Variants in TCF4 observed in about 807,000 individuals in gnomAD.
TCF4 encodes the protein transcription factor 4.
TCF4 carries 3 observed loss-of-function variants against 82.1 expected under a neutral mutation model. The ratio of observed to expected loss-of-function variants is 0.04; its 90% CI spans 0.02 to 0.09. TCF4 has a LOEUF of 0.09. TCF4 is among the 10% of genes least tolerant of loss of function. TCF4 has a pLI of 1.00. For synonymous variants in TCF4, 276 were observed against 309.6 expected (o/e 0.89, Z 1.14); for missense variants, 518 against 852.7 (o/e 0.61, Z 4.89).
At chr18:55,251,716 T>C (rs1465785491) in intron 15 of TCF4, among the ~76,000 whole-genome samples, 1 of 152,140 alleles carries the variant, frequency 6.6e-6, no homozygotes, top group Non-Finnish European at 1.5e-5. Context: ...GCAACTCGCT[T>C]CCGCCCAGAA....
At position 55,588,171 on chromosome 18, in the gene TCF4, G is replaced by A; in HGVS notation, c.-154C>T. 1.8e-6 allele frequency: 2 copies of A among 1,119,930 alleles called. No individual in the cohort carries two copies. Among genetic ancestry groups the A allele is most frequent in the African/African-American group, 1.7e-5 (1 of 60,506 alleles). The allele number at this position is 1,119,930 out of a possible 1,614,324, so 69.4% of individuals were successfully genotyped here. On this transcript the variant is annotated 5_prime_UTR_variant, in exon 1 of 20. Transcript: ENST00000354452. ...CTGCTGCCTCCCCGCCGCCGCCGCC[G>A]CCGCCGCCACTACAGATCCGCAGAC...
chr18:55,550,040 C>T (rs1372594971), intron 3 of TCF4, among the ~76,000 whole-genome samples: 1 of 152,116 alleles, frequency 6.6e-6, no homozygotes, highest in Non-Finnish European at 1.5e-5. Flanking sequence ...ATTGAAGGAC[C>T]ATTAATGTAG....
intron 6 of TCF4, among the ~76,000 whole-genome samples, chr18:55,378,855 T>C (rs1447804987): frequency 6.6e-6 from 1 of 152,242 alleles, no homozygotes; most frequent in Non-Finnish European, 1.5e-5. Flanking sequence ...AAGAACAGGT[T>C]AATGCAAAGA....
chr18:55,394,923 A>G lies in TCF4; in HGVS notation c.369+8531T>C, dbSNP rs893210181. Among the ~76,000 whole-genome samples the G allele has an allele frequency of 4.6e-5, 7 of 152,174 alleles. No individual in the cohort carries two copies. In the East Asian group the frequency reaches 1.3e-3, roughly 29 times the overall value. Reference sequence around the variant, plus strand: ...TTATCACTATCAGGCACGGCAGCAGACTCAACGATATATGCTTCTTTTCTA... The same window carrying G: ...TTATCACTATCAGGCACGGCAGCAGGCTCAACGATATATGCTTCTTTTCTA... On this transcript the variant is annotated intron_variant, in intron 6 of 19. Transcript: ENST00000354452.
chr18:55,264,105 G>A (rs531836799), intron 11 of TCF4, among the ~76,000 whole-genome samples: 28 of 152,180 alleles, frequency 1.8e-4, no homozygotes, highest in African/African-American at 6.3e-4. Context: ...TCACACGTTA[G>A]AAGAGGCAAG....
rs141449562 is a variant in TCF4, at chr18:55,388,206, T to C, written c.369+15248A>G. Among the ~76,000 whole-genome samples, 260 of 152,356 alleles carry C rather than the reference T, an allele frequency of 1.7e-3. 2 individuals carry two copies. The highest frequency in any genetic ancestry group is 6.0e-3 in the African/African-American group (250 of 41,588). Reference sequence around the variant, plus strand: ...GGAAAAGCTTGATCTACTCAATGCATCCACTTCTTCCCAGTTCTCCCCATC... The same window carrying C: ...GGAAAAGCTTGATCTACTCAATGCACCCACTTCTTCCCAGTTCTCCCCATC... On this transcript the variant is annotated intron_variant, in intron 6 of 19. Transcript: ENST00000354452.
At chr18:55,548,448 CCT>C (rs534920619) in intron 3 of TCF4, among the ~76,000 whole-genome samples, 38 of 152,142 alleles carry the variant, frequency 2.5e-4, no homozygotes, top group Non-Finnish European at 2.5e-4. Flanking sequence ...TACACTGTCC[CCT>C]GATTTTGATT....
chr18:55,275,385 C>T (rs2061320087), intron 10 of TCF4, among the ~76,000 whole-genome samples: 1 of 150,684 alleles, frequency 6.6e-6, no homozygotes, highest in African/African-American at 2.4e-5. Flanking sequence ...AAAGAAGGCA[C>T]AGAGCAAAAC....
chr18:55,234,675 G>T lies in TCF4; in HGVS notation c.1359C>A (p.Thr453=). ...SANRHSLMVG[T]HREDGVALRG... ...TCAGGGCCACGCCATCTTCACGATGGGTCCCCACCTGAAAGGGCGAGAGGA... is the reference window on the plus strand; with the variant it reads ...TCAGGGCCACGCCATCTTCACGATGTGTCCCCACCTGAAAGGGCGAGAGGA... Residue 453 remains threonine (T), a synonymous_variant, in exon 16 of 20, where the codon ACC becomes ACA. Coordinates refer to ENST00000354452, the MANE Select transcript of TCF4 (RefSeq NM_001083962.2). 1 of 1,614,128 alleles carries T rather than the reference G, an allele frequency of 6.2e-7. No homozygotes were observed. The highest frequency in any genetic ancestry group is 1.3e-5 in the African/African-American group (1 of 75,016).
chr18:55,269,193 C>G (rs1020485589), intron 11 of TCF4: 14 of 154,840 alleles, frequency 9.0e-5, no homozygotes, highest in African/African-American at 2.9e-4. Context: ...GACCTTAACT[C>G]ATTAGTAAAT....
At chr18:55,562,346 C>A (rs2097362471) in intron 3 of TCF4, among the ~76,000 whole-genome samples, 1 of 152,098 alleles carries the variant, frequency 6.6e-6, no homozygotes, top group South Asian at 2.1e-4. Flanking sequence ...ACCTATATAG[C>A]TAAGAGGTAA....
At chr18:55,528,675 G>A (rs990771422) in intron 3 of TCF4, among the ~76,000 whole-genome samples, 1 of 152,192 alleles carries the variant, frequency 6.6e-6, no homozygotes, top group African/African-American at 2.4e-5. Flanking sequence ...TATAGCACTA[G>A]TGTCATTAAA....
chr18:55,374,694 G>C (rs527639441), intron 6 of TCF4, among the ~76,000 whole-genome samples: 1 of 151,752 alleles, frequency 6.6e-6, no homozygotes. Flanking sequence ...AAGTCCAGGA[G>C]TTCAAGACCA....
intron 5 of TCF4, among the ~76,000 whole-genome samples, chr18:55,409,685 T>C (rs972286356): frequency 6.6e-6 from 1 of 152,220 alleles, no homozygotes; most frequent in African/African-American, 2.4e-5. Flanking sequence ...AGATAAATGA[T>C]GTAGGTTCAA....
intron 2 of TCF4, among the ~76,000 whole-genome samples, chr18:55,613,299 C>T (rs1218378531): frequency 2.6e-5 from 4 of 152,090 alleles, no homozygotes; most frequent in African/African-American, 9.7e-5. Flanking sequence ...CCCCAGGCAA[C>T]CAATAGTCTG....
upstream of TCF4, among the ~76,000 whole-genome samples, chr18:55,592,140 A>G (rs1403776016): frequency 6.6e-6 from 1 of 152,194 alleles, no homozygotes; most frequent in Non-Finnish European, 1.5e-5. Flanking sequence ...AAACTTAAAT[A>G]AAAAAGGAGG....
intron 2 of TCF4, among the ~76,000 whole-genome samples, chr18:55,621,783 A>ATATATTATATATTATATGT (rs1458901931): frequency 2.2e-5 from 2 of 89,060 alleles, no homozygotes; most frequent in Non-Finnish European, 3.9e-5. Flanking sequence ...ATAATATAAT[A>ATATATTATATATTATATGT]TATATTATAT....
chr18:55,571,371 C>G lies in TCF4; in HGVS notation c.145+13909G>C, dbSNP rs536626569. ...ACAGTATTGTTTAGGGATACATATG[C>G]CAGTCACAATACTACTTTAAAAAGG... On this transcript the variant is annotated intron_variant, in intron 3 of 19. Transcript: ENST00000354452. Among the ~76,000 whole-genome samples the G allele has an allele frequency of 3.3e-4, 50 of 152,236 alleles. 1 individual carries two copies. The South Asian group carries it at 8.1e-3, about 25-fold the overall frequency.
At chr18:55,511,502 A>G (rs1357035790) in intron 3 of TCF4, among the ~76,000 whole-genome samples, 1 of 152,098 alleles carries the variant, frequency 6.6e-6, no homozygotes. Flanking sequence ...AAAAATGGCA[A>G]CTTTTATTTT....
Sources: allele counts gnomAD v4.1 joint callset (sites outside exome capture counted in the v4.1 genomes callset), GRCh38; gene constraint gnomAD v4.1.1; transcripts MANE v1.5; gene names NCBI Gene and HGNC (gene_info 2026-07-23, HGNC 2026-07-21).